ITCH: variants seen among roughly 807,000 people sequenced by gnomAD.
ITCH encodes E3 ubiquitin-protein ligase Itchy homolog.
A neutral mutation model predicts 126.8 loss-of-function variants in ITCH; 28 were observed. The observed-to-expected ratio is 0.22, with a 90% confidence interval of 0.16 to 0.30. The LOEUF (loss-of-function observed/expected upper bound fraction) is 0.30, where lower values mean the gene tolerates loss of function less well. Ranked by LOEUF, ITCH falls within the 10% of genes least tolerant of loss-of-function variation. The pLI, the probability that ITCH is intolerant of heterozygous loss-of-function variation, is 1.00. For missense variants in ITCH, 631 were observed against 1,032.4 expected (o/e 0.61, Z 5.33); for synonymous variants, 342 against 340.0 (o/e 1.01, Z -0.06).
intron 4 of ITCH, among the ~76,000 whole-genome samples, chr20:34,410,011 A>C (rs1232936951): frequency 4.6e-5 from 7 of 151,662 alleles, no homozygotes; most frequent in Non-Finnish European, 8.8e-5. Flanking sequence ...ACTGAACTCT[A>C]GCCTGGGCAA....
rs779289798 is a variant in ITCH at position 34,457,482 on chromosome 20, T to G, written c.1295+8T>G. On this transcript the variant is annotated splice_region_variant and intron_variant, in intron 13 of 24. Coordinates refer to ENST00000374864, the MANE Select transcript of ITCH (RefSeq NM_031483.7). ...AGACCCCAGAAGTCAAGGGTAAGAA[T>G]AGTTACTTGTGTATATTTAATCTCT... is the stretch of plus-strand genomic sequence containing the variant. 6.4e-6 allele frequency: 10 copies of G among 1,551,750 alleles called. 1 individual carries two copies. In the Admixed American group the frequency reaches 1.5e-4, roughly 23 times the overall value.
rs373245070 is a variant in ITCH at position 34,479,608 on chromosome 20, G to A, written c.1659-22G>A. ...TTGGTAACCTACAAGATTTTTCATC[G>A]TAAATTTTCTTTTGATTTCAGAGAA... On this transcript the variant is annotated intron_variant, in intron 17 of 24. Transcript: ENST00000374864. The A allele has an allele frequency of 2.4e-5, 38 of 1,609,432 alleles. No homozygotes were observed. The Middle Eastern group carries it at 5.0e-4, about 21-fold the overall frequency.
intron 23 of ITCH, among the ~76,000 whole-genome samples, chr20:34,501,777 CAAA>C (rs11480340): frequency 2.9e-5 from 3 of 104,562 alleles, no homozygotes; most frequent in Admixed American, 1.1e-4. Context: ...CTCCATCTCT[CAAA>C]AAAAAAAAAA....
At chr20:34,464,437 C>T (rs1451638239) in intron 14 of ITCH, among the ~76,000 whole-genome samples, 2 of 151,750 alleles carry the variant, frequency 1.3e-5, no homozygotes, top group African/African-American at 2.4e-5. Context: ...AGCTATTCTC[C>T]TGCTTCAGCC....
chr20:34,479,636 G>A lies in ITCH; in HGVS notation c.1665G>A (p.Trp555Ter). ...GLDYGGVARE[W>*]FFLLSHEVLN... ...AATTTTCTTTTGATTTCAGAGAATG[G>A]TTCTTTCTTTTGTCACATGAAGTGT... is the stretch of plus-strand genomic sequence containing the variant. The change falls in exon 18 of 25, where the codon TGG becomes TGA. Residue 555 changes from tryptophan to a stop codon, truncating the protein, a stop_gained. Coordinates refer to ENST00000374864, the MANE Select transcript of ITCH (RefSeq NM_031483.7). LOFTEE classifies it high-confidence loss of function. 1 of 1,613,612 alleles carries A rather than the reference G, an allele frequency of 6.2e-7. No individual in the cohort carries two copies. The highest frequency in any genetic ancestry group is 8.5e-7 in the Non-Finnish European group (1 of 1,179,670).
chr20:34,438,734 AT>A, intron 8 of ITCH, 103 bp downstream of exon 8: 1 of 1,386,600 alleles, frequency 7.2e-7, no homozygotes, highest in Non-Finnish European at 1.0e-6. Context: ...TTCTGCGTGT[AT>A]TTTTACATTT....
chr20:34,476,538 ATT>A (rs1308306787), intron 16 of ITCH: 2 of 970,634 alleles, frequency 2.1e-6, no homozygotes, highest in African/African-American at 3.4e-5. Context: ...GACATTTCTC[ATT>A]TGCGTTGCTG....
chr20:34,437,451 G>A (rs529013065), intron 7 of ITCH, among the ~76,000 whole-genome samples: 9 of 152,136 alleles, frequency 5.9e-5, no homozygotes, highest in South Asian at 2.1e-4. Flanking sequence ...GACTACAGGC[G>A]TGCCCTGCCA....
At chr20:34,414,862 C>A (rs905192550) in intron 6 of ITCH, among the ~76,000 whole-genome samples, 1 of 152,206 alleles carries the variant, frequency 6.6e-6, no homozygotes, top group Non-Finnish European at 1.5e-5. Context: ...CTGTAGGCTA[C>A]ACTTACAGAG....
chr20:34,496,450 A>G (rs1391304511), intron 23 of ITCH, among the ~76,000 whole-genome samples: 1 of 152,110 alleles, frequency 6.6e-6, no homozygotes, highest in Non-Finnish European at 1.5e-5. Flanking sequence ...TTTTAGTTTC[A>G]TATAACCCAA....
rs1316545814 is a variant in ITCH, at chr20:34,462,038, G to C, written c.1296-55G>C. On this transcript the variant is annotated intron_variant, in intron 13 of 24. Coordinates refer to ENST00000374864, the MANE Select transcript of ITCH (RefSeq NM_031483.7). The stretch of plus-strand genomic sequence containing the variant: ...ATTGACATTTGTAGCTTCTGTACTT[G>C]GCAAACAAGCAACTCTTTAATATTT... The C allele has an allele frequency of 7.7e-6, 12 of 1,564,140 alleles. No homozygotes were observed. In the Admixed American group the frequency reaches 2.0e-4, roughly 26 times the overall value.
At chr20:34,415,109 A>G (rs1270683189) in intron 6 of ITCH, among the ~76,000 whole-genome samples, 2 of 152,228 alleles carry the variant, frequency 1.3e-5, no homozygotes, top group Non-Finnish European at 2.9e-5. Context: ...GAAGACAATG[A>G]AAGAGCAGAT....
chr20:34,463,307 G>A (rs970305848), intron 14 of ITCH, among the ~76,000 whole-genome samples: 2 of 152,198 alleles, frequency 1.3e-5, no homozygotes, highest in African/African-American at 4.8e-5. Context: ...AGGTTGCAGT[G>A]AGTCAAGATC....
At chr20:34,462,053 C>CT (rs1322196539) in intron 13 of ITCH, 40 bp from the exon 14 acceptor site, 3 of 1,603,994 alleles carry the variant, frequency 1.9e-6, no homozygotes, top group Non-Finnish European at 2.6e-6. Flanking sequence ...ACAAGCAACT[C>CT]TTTAATATTT....
chr20:34,404,378 C>G (rs1237777432), intron 3 of ITCH, among the ~76,000 whole-genome samples: 2 of 150,872 alleles, frequency 1.3e-5, no homozygotes, highest in Non-Finnish European at 2.9e-5. Context: ...TGCAGTGTGA[C>G]CCTTGGGCAA....
intron 14 of ITCH, among the ~76,000 whole-genome samples, chr20:34,465,951 C>T (rs1987015937): frequency 6.6e-6 from 1 of 152,066 alleles, no homozygotes; most frequent in African/African-American, 2.4e-5. Context: ...ACTATGTTGA[C>T]TACAAGTGGT....
chr20:34,377,340 C>T (rs1029021638), intron 2 of ITCH, among the ~76,000 whole-genome samples: 4 of 152,156 alleles, frequency 2.6e-5, no homozygotes, highest in Non-Finnish European at 5.9e-5. Context: ...AACTGCTGCA[C>T]TCCAGCCTGG....
chr20:34,495,782 T>G (rs1209156678), intron 23 of ITCH, among the ~76,000 whole-genome samples: 1 of 152,046 alleles, frequency 6.6e-6, no homozygotes, highest in African/African-American at 2.4e-5. Flanking sequence ...ACTGATTTCC[T>G]TTTCTTTAGA....
chr20:34,456,413 A>AT (rs1986003825), intron 12 of ITCH, among the ~76,000 whole-genome samples: 1 of 147,720 alleles, frequency 6.8e-6, no homozygotes, highest in African/African-American at 2.5e-5. Context: ...TGGTATCCTA[A>AT]TTTTTTTATT....
Sources: gnomAD v4.1 joint callset for allele counts (sites outside exome capture counted in the v4.1 genomes callset) on GRCh38, gnomAD v4.1.1 for gene constraint, MANE v1.5 for transcripts, NCBI Gene and HGNC (gene_info 2026-07-23, HGNC 2026-07-21) for gene names.